PIKFYVE: variants seen among roughly 807,000 people sequenced by gnomAD.
PIKFYVE encodes the protein phosphoinositide kinase, FYVE-type zinc finger containing.
Under a neutral mutation model 257.9 loss-of-function variants are expected in PIKFYVE, and 122 were observed. That is an observed-to-expected ratio of 0.47 (90% CI 0.41 to 0.55). PIKFYVE has a LOEUF of 0.55. PIKFYVE is among the 20% of genes least tolerant of loss of function. The pLI is 0.00. For synonymous variants in PIKFYVE, 892 were observed against 868.9 expected (o/e 1.03, Z -0.47); for missense variants, 2,160 against 2,536.6 (o/e 0.85, Z 3.19).
intron 7 of PIKFYVE, among the ~76,000 whole-genome samples, chr2:208,291,178 A>C (rs1031516240): frequency 6.6e-6 from 1 of 152,088 alleles, no homozygotes; most frequent in Non-Finnish European, 1.5e-5. Context: ...AGTTTCCTCT[A>C]TTCCTAGTTT....
At chr2:208,302,161 A>G (rs1392962135) in intron 9 of PIKFYVE, 81 bp from the exon 10 acceptor site, 16 of 1,227,836 alleles carry the variant, frequency 1.3e-5, no homozygotes, top group Non-Finnish European at 1.8e-5. Context: ...GAAAAAAAAT[A>G]TTTTAAGGTT....
intron 1 of PIKFYVE, among the ~76,000 whole-genome samples, chr2:208,268,003 G>A (rs1373331501): frequency 6.6e-6 from 1 of 152,198 alleles, no homozygotes; most frequent in Non-Finnish European, 1.5e-5. Flanking sequence ...GCCTTAATTA[G>A]AAATGGTGAA....
In PIKFYVE at chr2:208,335,325, C is replaced by T; in HGVS notation, c.4162C>T (p.Leu1388Phe). Residue 1388 changes from leucine to phenylalanine, a missense_variant, in exon 25 of 42, where the codon CTT becomes TTT. Transcript: ENST00000264380. Reference sequence around the variant, plus strand: ...TCTCAGTTATTCTCCCATTCGGCTTCTTGAAGTATGTGTTCCACTCCCCAA... The same window carrying T: ...TCTCAGTTATTCTCCCATTCGGCTTTTTGAAGTATGTGTTCCACTCCCCAA... ...ASFSYSPIRL[L>F]EVCVPLPKIF... 6.2e-7 allele frequency: 1 copy of T among 1,609,486 alleles called. No homozygotes were observed. The highest frequency in any genetic ancestry group is 1.1e-5 in the South Asian group (1 of 90,996).
At position 208,339,451 on chromosome 2, in the gene PIKFYVE, G is replaced by A; in HGVS notation, c.4706G>A (p.Ser1569Asn). The change falls in exon 30 of 42, where the codon AGC (serine) becomes AAC (asparagine). Residue 1569 changes from serine (S) to asparagine (N), a missense_variant. Ser to Asn is a conservative substitution (Grantham distance 46). This residue lies in a region of PIKFYVE where 699 missense variants were observed against 855.8 expected (regional missense o/e 0.82). Transcript: ENST00000264380. ...DRFLTTLSSQ[S>N]STSSTHLQLP... ...TTCTTAACAACTTTGTCCAGCCAGA[G>A]CTCCACCAGTTCTACTCATCTCCAA... 1 of 1,614,158 alleles carries A rather than the reference G, an allele frequency of 6.2e-7. No individual in the cohort carries two copies. The highest frequency in any genetic ancestry group is 8.5e-7 in the Non-Finnish European group (1 of 1,180,026).
rs1392941247 is a variant in PIKFYVE, at chr2:208,290,162, TCTTGGTG to T, written c.911+1345_911+1351del. Among the ~76,000 whole-genome samples, 149 of 152,310 alleles carry T rather than the reference TCTTGGTG, an allele frequency of 9.8e-4. 4 individuals carry two copies. In the South Asian group the frequency reaches 0.03, roughly 31 times the overall value. ...GTTAATAGTTAACATTAGAATTCACTCTTGGTGTTGAATATTCTATGGATTTGGACAA... is the reference window on the plus strand; with the variant it reads ...GTTAATAGTTAACATTAGAATTCACTTTGAATATTCTATGGATTTGGACAA... On this transcript the variant is annotated intron_variant, in intron 7 of 41. Transcript: ENST00000264380.
chr2:208,317,959 A>G lies in PIKFYVE; in HGVS notation c.2082+18A>G. ...ATAAAAAGGTAATGTGATTCAGTTC[A>G]GCAGTGAAGTTCAGCAAACCATGGC... On this transcript the variant is annotated intron_variant, in intron 16 of 41. Transcript: ENST00000264380. 1 of 1,200,382 alleles carries G rather than the reference A, an allele frequency of 8.3e-7. No individual in the cohort carries two copies. The highest frequency in any genetic ancestry group is 1.4e-5 in the South Asian group (1 of 69,934). The allele number at this position is 1,200,382 out of a possible 1,614,324, so 74.4% of individuals were successfully genotyped here.
chr2:208,353,291 T>C (rs1389604511), intron 39 of PIKFYVE, among the ~76,000 whole-genome samples: 1 of 152,236 alleles, frequency 6.6e-6, no homozygotes, highest in African/African-American at 2.4e-5. Flanking sequence ...AACAATATAC[T>C]TAATAATGTA....
At chr2:208,283,196 C>G (rs1238084563) in intron 5 of PIKFYVE, among the ~76,000 whole-genome samples, 1 of 152,082 alleles carries the variant, frequency 6.6e-6, no homozygotes, top group Non-Finnish European at 1.5e-5. Context: ...AGAAAAATGT[C>G]TAGTACATGG....
intron 12 of PIKFYVE, among the ~76,000 whole-genome samples, chr2:208,308,411 G>A (rs10185690): frequency 1.3e-4 from 17 of 135,548 alleles, no homozygotes; most frequent in Non-Finnish European, 2.3e-4. Flanking sequence ...AAAAAAAAAA[G>A]AAAAAAAATT....
chr2:208,284,597 ACT>A lies in PIKFYVE; in HGVS notation c.614-1125_614-1124del, dbSNP rs1252216473. ...TTATAATAATTCTTTTATAGTTTTTACTCTCATATATTATACTGCATGTAAGC... is the reference window on the plus strand; with the variant it reads ...TTATAATAATTCTTTTATAGTTTTTACTCATATATTATACTGCATGTAAGC... On this transcript the variant is annotated intron_variant, in intron 5 of 41. Coordinates refer to ENST00000264380, the MANE Select transcript of PIKFYVE (RefSeq NM_015040.4). 3.3e-5 allele frequency among the ~76,000 whole-genome samples: 5 copies of A among 150,788 alleles called. No individual in the cohort carries two copies. The East Asian group carries it at 9.7e-4, about 29-fold the overall frequency.
chr2:208,274,233 T>C (rs1689817491), intron 3 of PIKFYVE, among the ~76,000 whole-genome samples: 1 of 152,226 alleles, frequency 6.6e-6, no homozygotes, highest in Admixed American at 6.5e-5. Flanking sequence ...TGAGCTCCTC[T>C]CATCTGTCTG....
Position 208,357,654 on chromosome 2 carries a change from T to C in PIKFYVE, c.*2349T>C, listed in dbSNP as rs1700235235. 6.6e-6 allele frequency: 1 copy of C among 152,212 alleles called. No individual in the cohort carries two copies. Among genetic ancestry groups the C allele is most frequent in the South Asian group, 2.1e-4 (1 of 4,834 alleles). 9.4% of individuals were successfully genotyped at this position (152,212 alleles called of 1,614,324 possible). The stretch of plus-strand genomic sequence containing the variant: ...GGGGAAATATACAATTTATTTCTAT[T>C]GAGTGGTAGAACTATATGTCTGGTC... On this transcript the variant is annotated 3_prime_UTR_variant, in exon 42 of 42. Coordinates refer to ENST00000264380, the MANE Select transcript of PIKFYVE (RefSeq NM_015040.4).
chr2:208,273,396 A>G (rs1689681263), intron 2 of PIKFYVE, among the ~76,000 whole-genome samples, 188 bp from the exon 3 acceptor site: 1 of 152,164 alleles, frequency 6.6e-6, no homozygotes, highest in African/African-American at 2.4e-5. Context: ...CCAGGAGTTC[A>G]GTACCAGCCT....
intron 7 of PIKFYVE, 90 bp from the exon 8 acceptor site, chr2:208,298,551 A>C (rs1693276047): frequency 6.9e-7 from 1 of 1,440,604 alleles, no homozygotes; most frequent in Non-Finnish European, 9.6e-7. Flanking sequence ...TTGGTAAATA[A>C]GCATTTATTT....
intron 8 of PIKFYVE, 115 bp downstream of exon 8, chr2:208,298,894 G>A (rs1287668389): frequency 7.5e-7 from 1 of 1,328,666 alleles, no homozygotes; most frequent in African/African-American, 1.5e-5. Flanking sequence ...CCAGGCTGGG[G>A]TGCAGTGGTG....
Position 208,335,424 on chromosome 2 carries a change from G to C in PIKFYVE, c.4256+5G>C. 6.5e-7 allele frequency: 1 copy of C among 1,537,136 alleles called. No individual in the cohort carries two copies. Among genetic ancestry groups the C allele is most frequent in the Non-Finnish European group, 9.0e-7 (1 of 1,110,526 alleles). The stretch of plus-strand genomic sequence containing the variant: ...TCTGAAGGACTTCTTTCAAAAGTAA[G>C]TTCAGTTTCTTTTATCATCTTTTTT... On this transcript the variant is annotated splice_donor_5th_base_variant and intron_variant, in intron 25 of 41. Transcript: ENST00000264380.
At chr2:208,317,509 G>A (rs1261720243) in intron 15 of PIKFYVE, among the ~76,000 whole-genome samples, 1 of 152,090 alleles carries the variant, frequency 6.6e-6, no homozygotes, top group African/African-American at 2.4e-5. Flanking sequence ...GTGAGGCCCA[G>A]GGAAGTCAAA....
rs777401735 is a variant in PIKFYVE at position 208,326,003 on chromosome 2, A to G, written c.3192A>G (p.Glu1064=). Residue 1064 remains glutamate (E), a synonymous_variant, in exon 20 of 42, where the codon GAA becomes GAG. Coordinates refer to ENST00000264380, the MANE Select transcript of PIKFYVE (RefSeq NM_015040.4). ...TCTCCCCAGTAATCACATTCCGAGA[A>G]CCCTTTCTTTTAACTGAAAAGGGGA... ...LCISPVITFR[E]PFLLTEKGMR... 6.2e-7 allele frequency: 1 copy of G among 1,614,120 alleles called. No homozygotes were observed. Among genetic ancestry groups the G allele is most frequent in the Non-Finnish European group, 8.5e-7 (1 of 1,180,004 alleles).
intron 7 of PIKFYVE, among the ~76,000 whole-genome samples, chr2:208,295,470 G>A (rs1421881509): frequency 6.6e-6 from 1 of 152,054 alleles, no homozygotes; most frequent in Non-Finnish European, 1.5e-5. Flanking sequence ...GAATCATATT[G>A]AACTTATTTG....
Sources: gnomAD v4.1 joint callset for allele counts (sites outside exome capture counted in the v4.1 genomes callset) on GRCh38, gnomAD v4.1.1 for gene constraint, gnomAD v4.1.1 regional missense constraint, MANE v1.5 for transcripts, NCBI Gene and HGNC (gene_info 2026-07-23, HGNC 2026-07-21) for gene names.